The following CDC73 variants were observed in gnomAD, a reference collection of about 807,000 sequenced individuals.
The protein encoded by CDC73 is cell division cycle 73, also known as parafibromin.
Under a neutral mutation model 83.7 loss-of-function variants are expected in CDC73, and 21 were observed. The ratio of observed to expected loss-of-function variants is 0.25; its 90% CI spans 0.18 to 0.36. The LOEUF is 0.36. CDC73 is among the 10% of genes least tolerant of loss of function. The pLI, the probability that CDC73 is intolerant of heterozygous loss-of-function variation, is 1.00. For missense variants in CDC73, 342 were observed against 653.3 expected, an observed-to-expected ratio of 0.52 and a Z score of 5.19; for synonymous variants, 224 against 212.9, an observed-to-expected ratio of 1.05 and a Z score of -0.45.
rs181474391 is a variant in CDC73 at position 193,210,474 on chromosome 1, A to G, written c.1031-1591A>G. 2.6e-5 allele frequency among the ~76,000 whole-genome samples: 4 copies of G among 152,348 alleles called. No homozygotes were observed. In the East Asian group the frequency reaches 7.7e-4, roughly 29 times the overall value. ...ACATTGAGTTATTGTATGGTCAAAT[A>G]CTGAAAATAGAACTTGCAGCACTTT... On this transcript the variant is annotated intron_variant, in intron 11 of 16. Coordinates refer to ENST00000367435, the MANE Select transcript of CDC73 (RefSeq NM_024529.5).
chr1:193,157,543 G>A (rs1026968025), intron 10 of CDC73, among the ~76,000 whole-genome samples: 1 of 152,152 alleles, frequency 6.6e-6, no homozygotes, highest in South Asian at 2.1e-4. Flanking sequence ...GCATGACTGC[G>A]TACTGGGTCT....
In CDC73 at chr1:193,254,775, G is replaced by T. The variant is rs1303025767; in HGVS notation, c.*4063G>T. On this transcript the variant is annotated 3_prime_UTR_variant, in exon 17 of 17. Coordinates refer to ENST00000367435, the MANE Select transcript of CDC73 (RefSeq NM_024529.5). ...TGGGAAGCATTTTTATATGAGTAAA[G>T]CTAATGAAATAAAACTAGTTTTATT... Among the ~76,000 whole-genome samples the T allele has an allele frequency of 1.3e-5, 2 of 152,136 alleles. No homozygotes were observed. Among genetic ancestry groups the T allele is most frequent in the Non-Finnish European group, 2.9e-5 (2 of 68,012 alleles).
chr1:193,219,912 G>T (rs767697667), intron 13 of CDC73, among the ~76,000 whole-genome samples: 1 of 152,070 alleles, frequency 6.6e-6, no homozygotes, highest in African/African-American at 2.4e-5. Flanking sequence ...AAGAAATTGG[G>T]TTTTATTCTG....
chr1:193,180,151 C>T (rs1676687309), intron 10 of CDC73: 5 of 722,814 alleles, frequency 6.9e-6, no homozygotes, highest in Admixed American at 3.7e-5. Flanking sequence ...GAATTAACTT[C>T]TTCAGAAATT....
intron 10 of CDC73, among the ~76,000 whole-genome samples, chr1:193,163,178 G>GGT (rs1676372489): frequency 6.9e-6 from 1 of 144,538 alleles, no homozygotes; most frequent in Non-Finnish European, 1.5e-5. Flanking sequence ...TGTGTGTGTG[G>GGT]GTGTGTGTGT....
At chr1:193,125,343 C>T (rs1410011371) in intron 2 of CDC73, 126 bp downstream of exon 2, 5 of 697,690 alleles carry the variant, frequency 7.2e-6, no homozygotes, top group East Asian at 2.7e-5. Context: ...ATTGCAGCCT[C>T]GAACTCCTAG....
At chr1:193,176,636 C>T (rs1179544152) in intron 10 of CDC73, among the ~76,000 whole-genome samples, 1 of 152,090 alleles carries the variant, frequency 6.6e-6, no homozygotes, top group Non-Finnish European at 1.5e-5. Context: ...CTTGGAGATG[C>T]CTTAGAAATG....
chr1:193,239,789 A>C (rs556962545), intron 15 of CDC73, among the ~76,000 whole-genome samples: 1 of 152,140 alleles, frequency 6.6e-6, no homozygotes, highest in African/African-American at 2.4e-5. Context: ...AATATATAAT[A>C]CATTATTGTT....
At chr1:193,200,625 C>G (rs1256705423) in intron 10 of CDC73, among the ~76,000 whole-genome samples, 3 of 152,130 alleles carry the variant, frequency 2.0e-5, no homozygotes, top group Non-Finnish European at 4.4e-5. Context: ...CTTGTCAGCT[C>G]TTTTGTTTTT....
intron 10 of CDC73, among the ~76,000 whole-genome samples, chr1:193,198,667 G>A (rs554526125): frequency 6.6e-6 from 1 of 152,262 alleles, no homozygotes; most frequent in African/African-American, 2.4e-5. Context: ...GTCAAAACAA[G>A]GGAACATTGG....
At chr1:193,219,344 A>G (rs1677425387) in intron 13 of CDC73, among the ~76,000 whole-genome samples, 1 of 152,232 alleles carries the variant, frequency 6.6e-6, no homozygotes, top group South Asian at 2.1e-4. Flanking sequence ...GATTTCTCAA[A>G]AAACTTAAAA....
At chr1:193,203,714 A>T (rs979661979) in intron 10 of CDC73, 81 bp from the exon 11 acceptor site, 21 of 1,103,500 alleles carry the variant, frequency 1.9e-5, no homozygotes, top group Non-Finnish European at 2.8e-5. Flanking sequence ...ACAGAGAGAT[A>T]TGAGATTTCT....
chr1:193,160,152 A>G (rs1267217741), intron 10 of CDC73, among the ~76,000 whole-genome samples: 1 of 152,168 alleles, frequency 6.6e-6, no homozygotes, highest in Non-Finnish European at 1.5e-5. Flanking sequence ...CCCAAAACAT[A>G]TTAGAGGTTT....
At chr1:193,130,142 A>G (rs752933472) in intron 2 of CDC73, 32 bp from the exon 3 acceptor site, 2 of 981,736 alleles carry the variant, frequency 2.0e-6, no homozygotes, top group South Asian at 1.3e-5. Flanking sequence ...ATTGTTATTC[A>G]TTTCATATCT....
intron 11 of CDC73, among the ~76,000 whole-genome samples, chr1:193,210,156 A>G (rs1677252927): frequency 6.6e-6 from 1 of 152,210 alleles, no homozygotes; most frequent in Non-Finnish European, 1.5e-5. Context: ...ATGTCTCAGT[A>G]TGTGTTTGTG....
At chr1:193,196,764 A>G (rs1230085513) in intron 10 of CDC73, among the ~76,000 whole-genome samples, 1 of 152,158 alleles carries the variant, frequency 6.6e-6, no homozygotes, top group African/African-American at 2.4e-5. Flanking sequence ...TTGTTAGTGT[A>G]TAGAAACACA....
In CDC73 at chr1:193,193,322, G is replaced by T. The variant is rs79532532; in HGVS notation, c.973-10473G>T. Among the ~76,000 whole-genome samples, 34 of 152,278 alleles carry T rather than the reference G, an allele frequency of 2.2e-4. No homozygotes were observed. In the East Asian group the frequency reaches 3.3e-3, roughly 15 times the overall value. On this transcript the variant is annotated intron_variant, in intron 10 of 16. Coordinates refer to ENST00000367435, the MANE Select transcript of CDC73 (RefSeq NM_024529.5). ...TTTGAAGAAACTGATAGCCTTGATGGATACATAGATCATTATAAAGATAGC... is the reference window on the plus strand; with the variant it reads ...TTTGAAGAAACTGATAGCCTTGATGTATACATAGATCATTATAAAGATAGC...
intron 7 of CDC73, among the ~76,000 whole-genome samples, chr1:193,143,669 G>C (rs1465557990): frequency 6.6e-6 from 1 of 151,846 alleles, no homozygotes; most frequent in Non-Finnish European, 1.5e-5. Flanking sequence ...TTTTTATCTG[G>C]TAAACTCTAA....
At chr1:193,166,031 C>T (rs1676428555) in intron 10 of CDC73, among the ~76,000 whole-genome samples, 1 of 152,034 alleles carries the variant, frequency 6.6e-6, no homozygotes, top group Non-Finnish European at 1.5e-5. Flanking sequence ...TTTCCAAAAC[C>T]AGTGTTTGTT....
Sources: gnomAD v4.1 joint callset for allele counts (sites outside exome capture counted in the v4.1 genomes callset) on GRCh38, gnomAD v4.1.1 for gene constraint, MANE v1.5 for transcripts, NCBI Gene and HGNC (gene_info 2026-07-23, HGNC 2026-07-21) for gene names.